The following ACSS3 variants were observed in gnomAD, a reference collection of about 807,000 sequenced individuals.
ACSS3 encodes the protein acyl-CoA synthetase short chain family member 3.
In ACSS3, 64 loss-of-function variants were observed where a neutral mutation model predicts 84.2. The ratio of observed to expected loss-of-function variants is 0.76; its 90% CI spans 0.62 to 0.94. The LOEUF (loss-of-function observed/expected upper bound fraction) is 0.94. ACSS3 is among the 40% of genes least tolerant of loss of function. The pLI is 0.00. For missense variants in ACSS3, 815 were observed against 867.6 expected (o/e 0.94, Z 0.76); for synonymous variants, 317 against 310.1 (o/e 1.02, Z -0.23).
At chr12:81,217,561 G>A (rs986435317) in intron 10 of ACSS3, among the ~76,000 whole-genome samples, 1 of 152,164 alleles carries the variant, frequency 6.6e-6, no homozygotes, top group Non-Finnish European at 1.5e-5. Flanking sequence ...AATAAAAACA[G>A]GCCGGAAGTG....
chr12:81,084,182 G>A (rs4077193), intron 1 of ACSS3, among the ~76,000 whole-genome samples: 70,221 of 152,042 alleles, frequency 0.46, 20,238 homozygotes, highest in Non-Finnish European at 0.65. Flanking sequence ...GCCTCGTAAG[G>A]CAGTAATGAT....
chr12:81,257,944 A>C lies in ACSS3; in HGVS notation c.*3022A>C, dbSNP rs1195186580. ...TCTTTAAAAGAAAGAAATTGATTTT[A>C]GTGATTGAGTGTTATATAATAGTAG... is the stretch of plus-strand genomic sequence containing the variant. On this transcript the variant is annotated 3_prime_UTR_variant, in exon 16 of 16. Coordinates refer to ENST00000548058, the MANE Select transcript of ACSS3 (RefSeq NM_024560.4). 6.6e-6 allele frequency: 1 copy of C among 152,168 alleles called. No individual in the cohort carries two copies. The highest frequency in any genetic ancestry group is 1.5e-5 in the Non-Finnish European group (1 of 68,012). 9.4% of individuals were successfully genotyped at this position (152,168 alleles called of 1,614,324 possible).
At position 81,205,364 on chromosome 12, in the gene ACSS3, A is replaced by G. The variant is rs370023685; in HGVS notation, c.1354+5920A>G. On this transcript the variant is annotated intron_variant, in intron 9 of 15. Coordinates refer to ENST00000548058, the MANE Select transcript of ACSS3 (RefSeq NM_024560.4). The stretch of plus-strand genomic sequence containing the variant: ...GACAACTGAGGCAAGACTTTTAACT[A>G]CAAAAGTTGACGAGGTTGATCGAAT... Among the ~76,000 whole-genome samples, 29 of 152,262 alleles carry G rather than the reference A, an allele frequency of 1.9e-4. 1 individual carries two copies. In the South Asian group the frequency reaches 5.2e-3, roughly 27 times the overall value.
At chr12:81,082,952 C>T (rs1292706845) in intron 1 of ACSS3, among the ~76,000 whole-genome samples, 3 of 152,136 alleles carry the variant, frequency 2.0e-5, no homozygotes, top group East Asian at 1.9e-4. Flanking sequence ...GAAATACTCC[C>T]GTGAGCTAAT....
chr12:81,078,540 A>C, intron 1 of ACSS3, 109 bp downstream of exon 1: 1 of 1,227,880 alleles, frequency 8.1e-7, no homozygotes, highest in Admixed American at 2.4e-5. Context: ...GAAAATTGAA[A>C]CTGGAGATGT....
rs1380847051 is a variant in ACSS3, at chr12:81,139,709, C to T, written c.780+444C>T. Among the ~76,000 whole-genome samples, 6 of 150,954 alleles carry T rather than the reference C, an allele frequency of 4.0e-5. No individual in the cohort carries two copies. In the East Asian group the frequency reaches 7.8e-4, roughly 20 times the overall value. ...TGGAGTGCAGTGGCCGATGTCCGCT[C>T]ATTGCAAGCTCCGCCCCCTGGGTTC... On this transcript the variant is annotated intron_variant, in intron 4 of 15. Coordinates refer to ENST00000548058, the MANE Select transcript of ACSS3 (RefSeq NM_024560.4).
intron 2 of ACSS3, among the ~76,000 whole-genome samples, chr12:81,115,892 A>C (rs1884001724): frequency 6.6e-6 from 1 of 152,136 alleles, no homozygotes; most frequent in Admixed American, 6.6e-5. Context: ...ATTCTTTGAA[A>C]GCAAATTTGG....
intron 11 of ACSS3, among the ~76,000 whole-genome samples, chr12:81,225,465 C>A (rs1431979964): frequency 6.6e-6 from 1 of 151,866 alleles, no homozygotes; most frequent in Non-Finnish European, 1.5e-5. Context: ...TTTCTGAGAG[C>A]ATCTCAAAAA....
intron 2 of ACSS3, among the ~76,000 whole-genome samples, chr12:81,113,747 C>T (rs996101545): frequency 6.6e-5 from 10 of 152,016 alleles, no homozygotes; most frequent in Admixed American, 2.0e-4. Flanking sequence ...AAGTAAATTC[C>T]ATTTCTATCT....
intron 13 of ACSS3, among the ~76,000 whole-genome samples, chr12:81,246,952 A>G (rs1243771218): frequency 1.3e-5 from 2 of 152,198 alleles, no homozygotes; most frequent in Non-Finnish European, 2.9e-5. Flanking sequence ...AAAATTAAAA[A>G]TTAAAAAAGT....
At chr12:81,171,141 G>A (rs2030009844) in intron 7 of ACSS3, among the ~76,000 whole-genome samples, 1 of 151,962 alleles carries the variant, frequency 6.6e-6, no homozygotes, top group Non-Finnish European at 1.5e-5. Context: ...CATTAAAGCA[G>A]GACCTTATCC....
chr12:81,197,791 T>C (rs149259087), intron 8 of ACSS3, among the ~76,000 whole-genome samples: 322 of 152,310 alleles, frequency 2.1e-3, no homozygotes, highest in African/African-American at 7.4e-3. Context: ...ATGTGACTTC[T>C]AGTCATTTAC....
chr12:81,107,772 T>C (rs1325660044), intron 1 of ACSS3, among the ~76,000 whole-genome samples: 4 of 151,584 alleles, frequency 2.6e-5, no homozygotes, highest in South Asian at 2.1e-4. Flanking sequence ...TTGGGGGTGG[T>C]TGGGAGCATT....
chr12:81,213,902 GTCCTTCCTTCCTTCCT>G (rs1305105388), intron 9 of ACSS3, among the ~76,000 whole-genome samples: 1 of 21,700 alleles, frequency 4.6e-5, no homozygotes, highest in Non-Finnish European at 1.0e-4. Flanking sequence ...TCTTTCTTTT[GTCCTTCCTTCCTTCCT>G]TCCTTCCTTC....
chr12:81,114,194 T>C (rs1263634957), intron 2 of ACSS3, among the ~76,000 whole-genome samples: 1 of 152,110 alleles, frequency 6.6e-6, no homozygotes, highest in Non-Finnish European at 1.5e-5. Flanking sequence ...ATAAAACCAA[T>C]TATGTGTTAA....
chr12:81,107,978 C>A (rs914196684), intron 1 of ACSS3, among the ~76,000 whole-genome samples: 1 of 151,898 alleles, frequency 6.6e-6, no homozygotes, highest in Non-Finnish European at 1.5e-5. Context: ...TTAGCCAAAG[C>A]AAGTACATGG....
chr12:81,090,003 C>A (rs964692887), intron 1 of ACSS3, among the ~76,000 whole-genome samples: 8 of 152,080 alleles, frequency 5.3e-5, no homozygotes, highest in East Asian at 1.9e-4. Context: ...TCTCTACCTT[C>A]TGTTTTACAT....
intron 8 of ACSS3, among the ~76,000 whole-genome samples, chr12:81,179,474 A>C (rs968366465): frequency 6.6e-6 from 1 of 152,052 alleles, no homozygotes; most frequent in Non-Finnish European, 1.5e-5. Flanking sequence ...GAGCTTAAAC[A>C]ATTCAACAAA....
intron 9 of ACSS3, among the ~76,000 whole-genome samples, chr12:81,207,152 A>AT (rs1657877697): frequency 1.3e-5 from 2 of 152,110 alleles, no homozygotes; most frequent in South Asian, 4.1e-4. Context: ...CGTATAAACC[A>AT]TGTTAGAAAG....
Sources: gnomAD v4.1 joint callset for allele counts (sites outside exome capture counted in the v4.1 genomes callset) on GRCh38, gnomAD v4.1.1 for gene constraint, MANE v1.5 for transcripts, NCBI Gene and HGNC (gene_info 2026-07-23, HGNC 2026-07-21) for gene names.